Variants in RANBP2 observed in about 807,000 individuals in gnomAD.
RANBP2 encodes E3 SUMO-protein ligase RanBP2.
A neutral mutation model predicts 303.6 loss-of-function variants in RANBP2; 57 were observed. That is an observed-to-expected ratio of 0.19 (90% CI 0.15 to 0.23). The LOEUF is 0.23. Among genes scored for constraint, RANBP2 ranks in the 10% least tolerant of loss-of-function variants. The pLI, the probability that RANBP2 is intolerant of heterozygous loss-of-function variation, is 1.00. For synonymous variants in RANBP2, 1,167 were observed against 1,301.5 expected (o/e 0.90, Z 2.23); for missense variants, 3,138 against 3,780.8 (o/e 0.83, Z 4.46).
the RANBP2 span, among the ~76,000 whole-genome samples, chr2:109,054,737 A>G: frequency 6.6e-6 from 1 of 150,662 alleles, no homozygotes; most frequent in Admixed American, 6.6e-5. Flanking sequence ...CCAAGTTTGG[A>G]CAAATGTATA....
At position 108,719,657 on chromosome 2, in the gene RANBP2, C is replaced by T; in HGVS notation, c.51C>T (p.Gly17=). 1 of 1,606,954 alleles carries T rather than the reference C, an allele frequency of 6.2e-7. No individual in the cohort carries two copies. Among genetic ancestry groups the T allele is most frequent in the South Asian group, 1.1e-5 (1 of 89,968 alleles). Residue 17 remains glycine (G), a synonymous_variant, in exon 1 of 29, where the codon GGC becomes GGT. Coordinates refer to ENST00000283195, the MANE Select transcript of RANBP2 (RefSeq NM_006267.5). The part of the protein sequence containing the change: ...DVERYIASVQ[G]STPSPRQKSM... ...AGCGGTACATCGCCTCGGTGCAGGG[C>T]TCCACCCCGTCGCCTCGACAGGTGA...
chr2:109,676,105 T>A, the RANBP2 span, among the ~76,000 whole-genome samples: 1 of 152,150 alleles, frequency 6.6e-6, no homozygotes, highest in Non-Finnish European at 1.5e-5. Flanking sequence ...GAAGCGCTCA[T>A]GAGAAGCCTT....
the RANBP2 span, among the ~76,000 whole-genome samples, chr2:109,245,406 T>A: frequency 6.6e-6 from 1 of 152,240 alleles, no homozygotes; most frequent in Non-Finnish European, 1.5e-5. Flanking sequence ...TTTGTTTCTT[T>A]GTGGTTTTTG....
At chr2:108,798,439 A>G in the RANBP2 span, 8 of 1,612,756 alleles carry the variant, frequency 5.0e-6, 1 homozygote, top group East Asian at 1.6e-4. Context: ...GTGAAACTGC[A>G]GCACAACAGA....
chr2:109,451,690 T>A, the RANBP2 span, among the ~76,000 whole-genome samples: 5 of 152,380 alleles, frequency 3.3e-5, no homozygotes, highest in African/African-American at 1.2e-4. Context: ...CTCTAACAGT[T>A]GTGCTATATC....
chr2:109,578,230 T>C, the RANBP2 span, among the ~76,000 whole-genome samples: 1 of 152,102 alleles, frequency 6.6e-6, no homozygotes, highest in African/African-American at 2.4e-5. Flanking sequence ...CACGATCAAA[T>C]AAAGGGTAAC....
the RANBP2 span, among the ~76,000 whole-genome samples, chr2:108,863,827 G>C: frequency 6.6e-6 from 1 of 152,192 alleles, no homozygotes; most frequent in Non-Finnish European, 1.5e-5. Context: ...GGGACCTAAT[G>C]AACTAACAGT....
chr2:109,364,266 C>T, the RANBP2 span, among the ~76,000 whole-genome samples: 1 of 152,096 alleles, frequency 6.6e-6, no homozygotes, highest in East Asian at 1.9e-4. Context: ...GTCCAGTCTC[C>T]TAATAAGCAC....
the RANBP2 span, among the ~76,000 whole-genome samples, chr2:109,638,622 T>C: frequency 1.6e-3 from 240 of 152,236 alleles, 1 homozygote; most frequent in African/African-American, 5.5e-3. Context: ...TAAAATAAAT[T>C]CCAGATTTCC....
the RANBP2 span, among the ~76,000 whole-genome samples, chr2:109,350,718 C>T: frequency 7.9e-5 from 12 of 152,252 alleles, no homozygotes; most frequent in African/African-American, 2.9e-4. Flanking sequence ...AGCTGAGACG[C>T]ACACACTGGC....
rs914610457 is a variant in RANBP2 at position 108,784,930 on chromosome 2, C to A, written c.*1029C>A. On this transcript the variant is annotated 3_prime_UTR_variant, in exon 29 of 29. Coordinates refer to ENST00000283195, the MANE Select transcript of RANBP2 (RefSeq NM_006267.5). ...TCTCAAGTTTGATACACACCAAAAA[C>A]GTATTTGGAAATGGCTTGTATCAAA... 6.6e-6 allele frequency: 1 copy of A among 152,120 alleles called. No individual in the cohort carries two copies. Among genetic ancestry groups the A allele is most frequent in the Non-Finnish European group, 1.5e-5 (1 of 68,008 alleles). 9.4% of individuals were successfully genotyped at this position (152,120 alleles called of 1,614,324 possible).
the RANBP2 span, among the ~76,000 whole-genome samples, chr2:109,629,332 TA>T: frequency 5.5e-3 from 70 of 12,716 alleles, 2 homozygotes; most frequent in African/African-American, 0.014. Context: ...TATATATATA[TA>T]TATATATATA....
the RANBP2 span, among the ~76,000 whole-genome samples, chr2:109,111,857 C>T: frequency 6.7e-6 from 1 of 149,322 alleles, no homozygotes; most frequent in African/African-American, 2.5e-5. Flanking sequence ...TGTTCAGTTC[C>T]CACCTATGAG....
intron 25 of RANBP2, among the ~76,000 whole-genome samples, chr2:108,780,479 C>T (rs1180081606): frequency 6.6e-6 from 1 of 150,724 alleles, no homozygotes; most frequent in African/African-American, 2.4e-5. Flanking sequence ...ATTCTCCTGC[C>T]CCAGCCTCCT....
chr2:108,867,004 TA>T, the RANBP2 span, among the ~76,000 whole-genome samples: 2 of 152,204 alleles, frequency 1.3e-5, no homozygotes, highest in African/African-American at 2.4e-5. Context: ...TATATTGTTA[TA>T]TTGTTTATGG....
chr2:109,024,541 C>T, the RANBP2 span, among the ~76,000 whole-genome samples: 1 of 152,164 alleles, frequency 6.6e-6, no homozygotes, highest in African/African-American at 2.4e-5. Context: ...TAGCCAACTC[C>T]CCTCTTGCCT....
At chr2:109,684,245 C>CTTTTTT in the RANBP2 span, among the ~76,000 whole-genome samples, 10 of 87,136 alleles carry the variant, frequency 1.1e-4, 2 homozygotes, top group Admixed American at 8.3e-4. Flanking sequence ...CCCGGTCTTA[C>CTTTTTT]TTTTTTTTTT....
At chr2:109,350,408 C>A in the RANBP2 span, among the ~76,000 whole-genome samples, 1,381 of 152,248 alleles carry the variant, frequency 9.1e-3, 6 homozygotes, top group Non-Finnish European at 0.014. Flanking sequence ...TACTTGAATC[C>A]TGTGAGTTAA....
At chr2:109,212,496 C>T in the RANBP2 span, among the ~76,000 whole-genome samples, 9 of 152,268 alleles carry the variant, frequency 5.9e-5, no homozygotes, top group African/African-American at 2.2e-4. Flanking sequence ...TGAGGCTTTC[C>T]GACAGCTCCA....
Sources: allele counts gnomAD v4.1 joint callset (sites outside exome capture counted in the v4.1 genomes callset), GRCh38; gene constraint gnomAD v4.1.1; transcripts MANE v1.5; gene names NCBI Gene and HGNC (gene_info 2026-07-23, HGNC 2026-07-21).